The following BCAR1 variants were observed in gnomAD, a reference collection of about 807,000 sequenced individuals.
BCAR1 encodes the protein breast cancer anti-estrogen resistance protein 1.
In BCAR1, 30 loss-of-function variants were observed where a neutral mutation model predicts 67.6. That is an observed-to-expected ratio of 0.44 (90% CI 0.33 to 0.60). The LOEUF is 0.60. Ranked by LOEUF, BCAR1 falls within the 20% of genes least tolerant of loss-of-function variation. BCAR1 has a pLI of 0.02. For synonymous variants in BCAR1, 626 were observed against 556.7 expected, an observed-to-expected ratio of 1.12 and a Z score of -1.75; for missense variants, 1,313 against 1,222.3, an observed-to-expected ratio of 1.07 and a Z score of -1.11.
chr16:75,243,528 A>G, intron 1 of BCAR1: 1 of 506,198 alleles, frequency 2.0e-6, no homozygotes, highest in Non-Finnish European at 3.9e-6. Flanking sequence ...GCTTCTTAGG[A>G]TAAAAAAATG....
chr16:75,252,289 T>C (rs376777073), upstream of BCAR1: 2 of 1,536,590 alleles, frequency 1.3e-6, no homozygotes, highest in African/African-American at 1.4e-5. Context: ...CCAGCTGATC[T>C]GCCTCCTCTC....
intron 1 of BCAR1, among the ~76,000 whole-genome samples, chr16:75,245,473 C>T (rs534119998): frequency 2.0e-5 from 3 of 152,110 alleles, no homozygotes; most frequent in Non-Finnish European, 4.4e-5. Context: ...CTCAGAGAGG[C>T]TGAGGGAGCA....
rs1201519576 is a variant in BCAR1 at position 75,229,869 on chromosome 16, T to C, written c.2255A>G (p.Glu752Gly). 6.2e-7 allele frequency: 1 copy of C among 1,613,186 alleles called. No individual in the cohort carries two copies. Among genetic ancestry groups the C allele is most frequent in the Non-Finnish European group, 8.5e-7 (1 of 1,179,938 alleles). ...GTTGGTCAGTGTGGTCAGGTTGGCC[T>C]CACACTGCTCCAGGTAGAAGAGCAG... ...QLLLFYLEQC[E>G]ANLTTLTNAV... Residue 752 changes from glutamate (E) to glycine (G), a missense_variant, in exon 7 of 7, where the codon GAG (glutamate) becomes GGG (glycine). Physicochemically the swap from Glu to Gly is moderately conservative, Grantham distance 98. Coordinates refer to ENST00000162330, the MANE Select transcript of BCAR1 (RefSeq NM_014567.5).
intron 1 of BCAR1, chr16:75,249,554 C>G (rs2077613696): frequency 6.6e-6 from 1 of 152,350 alleles, no homozygotes; most frequent in South Asian, 2.1e-4. Flanking sequence ...ATCCCACTCC[C>G]CACACTTCAC....
At chr16:75,265,993 AGCCGCGCCGCGCATGC>A in intron 1 of BCAR1, 1 of 1,043,288 alleles carries the variant, frequency 9.6e-7, no homozygotes, top group Non-Finnish European at 1.2e-6. Flanking sequence ...CGGCCGCTCC[AGCCGCGCCGCGCATGC>A]GCCGCCCGCG....
At chr16:75,267,395 G>C (rs796315393) in intron 1 of BCAR1, among the ~76,000 whole-genome samples, 16 of 12,702 alleles carry the variant, frequency 1.3e-3, no homozygotes, top group African/African-American at 1.8e-3. Flanking sequence ...ACAGCAAGCC[G>C]GGGGGGGGGT....
chr16:75,228,721 G>C lies in BCAR1; in HGVS notation c.*790C>G, dbSNP rs984738922. The stretch of plus-strand genomic sequence containing the variant: ...CTGTGGGCATGGGCAGGTGCTCACT[G>C]TGGCAGCTCCCTAGGGTTGCAGGGG... On this transcript the variant is annotated 3_prime_UTR_variant, in exon 7 of 7. Coordinates refer to ENST00000162330, the MANE Select transcript of BCAR1 (RefSeq NM_014567.5). 6.6e-6 allele frequency: 1 copy of C among 152,306 alleles called. No homozygotes were observed. The highest frequency in any genetic ancestry group is 1.5e-5 in the Non-Finnish European group (1 of 68,096). The allele number at this position is 152,306 out of a possible 1,614,324, so 9.4% of individuals were successfully genotyped here. A position where few individuals can be genotyped will look rare whatever the true frequency, so the allele number is the denominator to read the frequency against.
chr16:75,247,716 A>G lies in BCAR1; in HGVS notation c.12+3755T>C, dbSNP rs2077561613. The G allele has an allele frequency of 1.4e-5, 4 of 296,004 alleles. No individual in the cohort carries two copies. The Admixed American group carries it at 1.8e-4, about 13-fold the overall frequency. 18.3% of individuals were successfully genotyped at this position (296,004 alleles called of 1,614,324 possible). A position where few individuals can be genotyped will look rare whatever the true frequency, so the allele number is the denominator to read the frequency against. ...AGTTCTCAGGAGCAGGGCCAGCCCA[A>G]ACCAACTGCAGAGAACACTGCAGGT... On this transcript the variant is annotated intron_variant, in intron 1 of 6. Transcript: ENST00000162330.
chr16:75,264,317 G>A, intron 1 of BCAR1: 1 of 1,452,696 alleles, frequency 6.9e-7, no homozygotes, highest in Admixed American at 2.5e-5. Flanking sequence ...TGTGGCCAGA[G>A]TGACATTCCC....
intron 1 of BCAR1, among the ~76,000 whole-genome samples, chr16:75,257,531 T>A (rs2077807294): frequency 6.6e-6 from 1 of 152,214 alleles, no homozygotes; most frequent in Non-Finnish European, 1.5e-5. Context: ...CACAGCTCAC[T>A]GCAGCCTCAA....
chr16:75,266,014 C>A (rs543774070), intron 1 of BCAR1: 4 of 1,027,246 alleles, frequency 3.9e-6, no homozygotes, highest in Non-Finnish European at 4.6e-6. Context: ...GCATGCGCCG[C>A]CCGCGCCGCC....
rs755868116 is a variant in BCAR1 at position 75,234,943 on chromosome 16, C to T, written c.1956G>A (p.Gln652=). ...TCCAGCCCCCCTCGCTGTTCTCGTA[C>T]TGCCCATCTGGCGAGTCCTGGGAGG... is the stretch of plus-strand genomic sequence containing the variant. ...KFTSQDSPDG[Q]YENSEGGWME... is the part of the protein sequence containing the mutation. Residue 652 remains glutamine (Q), a synonymous_variant, in exon 5 of 7, where the codon CAG becomes CAA. Transcript: ENST00000162330. 9 of 1,578,270 alleles carry T rather than the reference C, an allele frequency of 5.7e-6. No individual in the cohort carries two copies. Among genetic ancestry groups the T allele is most frequent in the Non-Finnish European group, 6.9e-6 (8 of 1,157,528 alleles).
At chr16:75,245,961 G>GTTTTTTTTT (rs1405738465) in intron 1 of BCAR1, 11 of 26,994 alleles carry the variant, frequency 4.1e-4, no homozygotes, top group Admixed American at 1.1e-3. Context: ...TCATAGGATT[G>GTTTTTTTTT]TTCTTTTTTT....
At chr16:75,234,164 G>GACACACACACAC (rs60447098) in intron 5 of BCAR1, among the ~76,000 whole-genome samples, 13 of 94,958 alleles carry the variant, frequency 1.4e-4, no homozygotes, top group African/African-American at 4.1e-4. Context: ...CAGGCAGACA[G>GACACACACACAC]ACACACACAC....
intron 6 of BCAR1, among the ~76,000 whole-genome samples, chr16:75,230,977 G>A (rs949829870): frequency 6.6e-6 from 1 of 152,030 alleles, no homozygotes; most frequent in African/African-American, 2.4e-5. Context: ...TTGAGTCTGG[G>A]AAGTCCAGGC....
rs376744472 is a variant in BCAR1, at chr16:75,235,060, C to T, written c.1839G>A (p.Pro613=). ...GCAGGGTGCCACCCCCCTCAGGCCC[C>T]GGGGCAGTGGCCTTGGTCCGTCTGA... The part of the protein sequence containing the change: ...LLFRRTKATA[P]GPEGGGTLHP... The change falls in exon 5 of 7, where the codon CCG becomes CCA. Residue 613 remains proline, a synonymous_variant. Coordinates refer to ENST00000162330, the MANE Select transcript of BCAR1 (RefSeq NM_014567.5). 2.2e-5 allele frequency: 36 copies of T among 1,612,986 alleles called. No homozygotes were observed. Among genetic ancestry groups the T allele is most frequent in the African/African-American group, 2.7e-5 (2 of 74,916 alleles).
chr16:75,252,091 G>A, upstream of BCAR1: 1 of 1,110,616 alleles, frequency 9.0e-7, no homozygotes, highest in Non-Finnish European at 1.3e-6. Flanking sequence ...GGGAGGGGGC[G>A]TGCCCCAGCC....
At chr16:75,256,040 G>C (rs2077766938), upstream of BCAR1, 1 of 152,388 alleles carries the variant, frequency 6.6e-6, no homozygotes, top group South Asian at 2.1e-4. Flanking sequence ...TTTGTGGATA[G>C]CACGGAGGTG....
At chr16:75,259,575 G>T (rs576266270) in intron 1 of BCAR1, among the ~76,000 whole-genome samples, 5 of 152,096 alleles carry the variant, frequency 3.3e-5, no homozygotes, top group African/African-American at 1.2e-4. Context: ...TAAACTGGCC[G>T]GGCGCGGTGG....
Sources: allele counts gnomAD v4.1 joint callset (sites outside exome capture counted in the v4.1 genomes callset), GRCh38; gene constraint gnomAD v4.1.1; transcripts MANE v1.5; gene names NCBI Gene and HGNC (gene_info 2026-07-23, HGNC 2026-07-21).